CFDP1: variants seen among roughly 807,000 people sequenced by gnomAD.
CFDP1 encodes the protein heterochromatin-stabilizing protein CFDP1.
CFDP1 carries 31 observed loss-of-function variants against 40.1 expected under a neutral mutation model. The ratio of observed to expected loss-of-function variants is 0.77; its 90% CI spans 0.58 to 1.04. CFDP1 has a LOEUF of 1.04. Among genes scored for constraint, CFDP1 ranks in the 50% least tolerant of loss-of-function variants. The pLI is 0.00. For missense variants in CFDP1, 423 were observed against 343.4 expected, an observed-to-expected ratio of 1.23 and a Z score of -1.83; for synonymous variants, 167 against 120.0, an observed-to-expected ratio of 1.39 and a Z score of -2.56.
intron 5 of CFDP1, among the ~76,000 whole-genome samples, chr16:75,324,301 C>G (rs1036354244): frequency 6.6e-6 from 1 of 151,996 alleles, no homozygotes; most frequent in African/African-American, 2.4e-5. Context: ...AAGTCCACAA[C>G]GAGGCAACAG....
chr16:75,399,166 C>G (rs2079026271), intron 4 of CFDP1, among the ~76,000 whole-genome samples: 1 of 151,910 alleles, frequency 6.6e-6, no homozygotes, highest in Non-Finnish European at 1.5e-5. Context: ...TAGCTGAGCC[C>G]AGCCACCCCT....
intron 5 of CFDP1, among the ~76,000 whole-genome samples, chr16:75,361,995 A>G (rs1292865676): frequency 1.3e-5 from 2 of 152,214 alleles, no homozygotes; most frequent in African/African-American, 4.8e-5. Flanking sequence ...ACCTACAGGA[A>G]GTCATTTGTA....
At chr16:75,341,082 T>C in intron 5 of CFDP1, among the ~76,000 whole-genome samples, 1 of 152,232 alleles carries the variant, frequency 6.6e-6, no homozygotes, top group East Asian at 1.9e-4. Flanking sequence ...GCATGCACAG[T>C]GCTTCCACTC....
chr16:75,344,233 T>G (rs1198952508), intron 5 of CFDP1, among the ~76,000 whole-genome samples: 1 of 152,208 alleles, frequency 6.6e-6, no homozygotes, highest in East Asian at 1.9e-4. Context: ...ACTATGCATG[T>G]TTTTTCACTG....
chr16:75,344,741 G>C (rs547172076), intron 5 of CFDP1, among the ~76,000 whole-genome samples: 81 of 152,138 alleles, frequency 5.3e-4, no homozygotes, highest in African/African-American at 1.9e-3. Flanking sequence ...ATACCAGCCT[G>C]GCCAATATGG....
intron 1 of CFDP1, among the ~76,000 whole-genome samples, chr16:75,423,280 CAAA>C (rs34137868): frequency 1.1e-4 from 12 of 109,292 alleles, no homozygotes; most frequent in Non-Finnish European, 1.1e-4. Flanking sequence ...GACTCCGTCT[CAAA>C]AAAAAAAAAA....
rs756350637 is a variant in CFDP1 at position 75,294,068 on chromosome 16, A to G, written c.810-26T>C. On this transcript the variant is annotated intron_variant, in intron 6 of 6. Coordinates refer to ENST00000283882, the MANE Select transcript of CFDP1 (RefSeq NM_006324.3). Reference sequence around the variant, plus strand: ...CTAGAAGATGAAAACAGTGTTTGTCAGTAGAATCCAGTAGGAAAAACTCCT... The same window carrying G: ...CTAGAAGATGAAAACAGTGTTTGTCGGTAGAATCCAGTAGGAAAAACTCCT... The G allele has an allele frequency of 3.8e-6, 6 of 1,559,956 alleles. No individual in the cohort carries two copies. In the African/African-American group the frequency reaches 4.1e-5, roughly 11 times the overall value.
In CFDP1 at chr16:75,378,826, A is replaced by G. The variant is rs148626140; in HGVS notation, c.650+16264T>C. 4.2e-3 allele frequency among the ~76,000 whole-genome samples: 640 copies of G among 152,334 alleles called. 3 individuals carry two copies. Among genetic ancestry groups the G allele is most frequent in the Non-Finnish European group, 7.0e-3 (477 of 68,022 alleles). On this transcript the variant is annotated intron_variant, in intron 5 of 6. Coordinates refer to ENST00000283882, the MANE Select transcript of CFDP1 (RefSeq NM_006324.3). Reference sequence around the variant, plus strand: ...GTCTTTCCAAGTGTCCACAGAATATACAAGACAGACCACATCCTGGCCCAT... The same window carrying G: ...GTCTTTCCAAGTGTCCACAGAATATGCAAGACAGACCACATCCTGGCCCAT...
chr16:75,387,078 C>T (rs1385082551), intron 5 of CFDP1, among the ~76,000 whole-genome samples: 2 of 151,598 alleles, frequency 1.3e-5, no homozygotes, highest in African/African-American at 4.8e-5. Flanking sequence ...AAATGAAGCA[C>T]GGTATTAGCA....
chr16:75,329,570 G>A (rs191013270), intron 5 of CFDP1, among the ~76,000 whole-genome samples: 1 of 152,134 alleles, frequency 6.6e-6, no homozygotes, highest in Admixed American at 6.5e-5. Context: ...ATAACTCATG[G>A]CAGCCTTGAA....
At chr16:75,392,023 C>A (rs1337255242) in intron 5 of CFDP1, among the ~76,000 whole-genome samples, 2 of 151,848 alleles carry the variant, frequency 1.3e-5, no homozygotes, top group Non-Finnish European at 2.9e-5. Flanking sequence ...GAAGAGAACT[C>A]CCTGCAAACA....
chr16:75,423,639 C>T (rs548996876), intron 1 of CFDP1, among the ~76,000 whole-genome samples: 11 of 152,142 alleles, frequency 7.2e-5, no homozygotes, highest in Admixed American at 2.0e-4. Flanking sequence ...TTCAGCCTCC[C>T]GAGCAGCTGG....
At chr16:75,328,010 G>A (rs528485073) in intron 5 of CFDP1, among the ~76,000 whole-genome samples, 5 of 152,132 alleles carry the variant, frequency 3.3e-5, no homozygotes, top group Middle Eastern at 3.4e-3. Context: ...GATTACAGGC[G>A]TATGCCACAG....
intron 5 of CFDP1, among the ~76,000 whole-genome samples, chr16:75,378,525 C>T (rs2078822533): frequency 6.6e-6 from 1 of 152,100 alleles, no homozygotes; most frequent in Non-Finnish European, 1.5e-5. Context: ...TTCATTTACT[C>T]CTTAATCAAA....
chr16:75,385,225 A>G (rs1250795536), intron 5 of CFDP1, among the ~76,000 whole-genome samples: 1 of 152,092 alleles, frequency 6.6e-6, no homozygotes, highest in African/African-American at 2.4e-5. Context: ...GTATGAATGG[A>G]GAATCTTGTG....
intron 5 of CFDP1, among the ~76,000 whole-genome samples, chr16:75,327,479 G>C (rs2078411045): frequency 6.6e-6 from 1 of 151,930 alleles, no homozygotes; most frequent in African/African-American, 2.4e-5. Flanking sequence ...GTGAAGGATG[G>C]GACTGACAAA....
Position 75,304,903 on chromosome 16 carries a change from A to G in CFDP1, c.809+121T>C, listed in dbSNP as rs2078246987. 16 of 1,067,598 alleles carry G rather than the reference A, an allele frequency of 1.5e-5. No homozygotes were observed. The South Asian group carries it at 2.4e-4, about 16-fold the overall frequency. The allele number at this position is 1,067,598 out of a possible 1,614,324, so 66.1% of individuals were successfully genotyped here. Reference sequence around the variant, plus strand: ...GACTTACTGACAAACCAAAGTGCTCACATTTTTAGTTCCATCATGAAAAGC... The same window carrying G: ...GACTTACTGACAAACCAAAGTGCTCGCATTTTTAGTTCCATCATGAAAAGC... On this transcript the variant is annotated intron_variant, in intron 6 of 6. Transcript: ENST00000283882.
intron 6 of CFDP1, among the ~76,000 whole-genome samples, chr16:75,304,020 G>C (rs1374391169): frequency 6.6e-6 from 1 of 151,946 alleles, no homozygotes; most frequent in African/African-American, 2.4e-5. Context: ...TCTGAGGTCC[G>C]TAAGTACTTA....
At chr16:75,403,542 T>TAG (rs1319256048) in intron 4 of CFDP1, among the ~76,000 whole-genome samples, 2 of 152,168 alleles carry the variant, frequency 1.3e-5, no homozygotes, top group Non-Finnish European at 2.9e-5. Flanking sequence ...CAGCAACAGT[T>TAG]ATTTACCAGC....
Sources: gnomAD v4.1 joint callset for allele counts (sites outside exome capture counted in the v4.1 genomes callset) on GRCh38, gnomAD v4.1.1 for gene constraint, MANE v1.5 for transcripts, NCBI Gene and HGNC (gene_info 2026-07-23, HGNC 2026-07-21) for gene names.